Variants in REV3L observed in about 807,000 individuals in gnomAD.
REV3L encodes REV3 like, DNA directed polymerase zeta catalytic subunit.
REV3L carries 69 observed loss-of-function variants against 299.4 expected under a neutral mutation model. The observed-to-expected ratio is 0.23, with a 90% CI of 0.19 to 0.28. The LOEUF is 0.28. REV3L is among the 10% of genes least tolerant of loss of function. The pLI is 1.00. For missense variants in REV3L, 3,128 were observed against 3,693.8 expected, an observed-to-expected ratio of 0.85 and a Z score of 3.97; for synonymous variants, 1,238 against 1,271.4, an observed-to-expected ratio of 0.97 and a Z score of 0.56.
chr6:111,368,834 A>T (rs894340439), intron 13 of REV3L, among the ~76,000 whole-genome samples: 9 of 152,164 alleles, frequency 5.9e-5, no homozygotes, highest in African/African-American at 2.2e-4. Flanking sequence ...GTTAATTCAT[A>T]GTTTTTTCAA....
At position 111,371,728 on chromosome 6, in the gene REV3L, T is replaced by C. The variant is rs558754346; in HGVS notation, c.5759+868A>G. ...ACAGGCACCTGCCACCATGTCCAGC[T>C]AATTTTTGTATTTTTAGTAGAGACA... On this transcript the variant is annotated intron_variant, in intron 13 of 31. Coordinates refer to ENST00000368802, the MANE Select transcript of REV3L (RefSeq NM_001372078.1). Among the ~76,000 whole-genome samples, 7 of 152,220 alleles carry C rather than the reference T, an allele frequency of 4.6e-5. No homozygotes were observed. In the East Asian group the frequency reaches 1.4e-3, roughly 29 times the overall value.
At chr6:111,447,284 C>T (rs1048953025) in intron 1 of REV3L, among the ~76,000 whole-genome samples, 4 of 152,158 alleles carry the variant, frequency 2.6e-5, no homozygotes, top group Non-Finnish European at 4.4e-5. Context: ...GGGATGCCCT[C>T]GTGTGAGATT....
rs55717383 is a variant in REV3L, at chr6:111,374,376, T to A, written c.3979A>T (p.Ile1327Leu). 1 of 1,614,018 alleles carries A rather than the reference T, an allele frequency of 6.2e-7. No individual in the cohort carries two copies. Among genetic ancestry groups the A allele is most frequent in the Non-Finnish European group, 8.5e-7 (1 of 1,179,898 alleles). Reference protein sequence around the residue: ...DLHPSVVCNSIGPGVSKINVQ... With the variant: ...DLHPSVVCNSLGPGVSKINVQ... ...TTAATTTTTGAGACTCCAGGTCCTATAGAATTACAAACAACTGATGGATGC... is the reference window on the plus strand; with the variant it reads ...TTAATTTTTGAGACTCCAGGTCCTAAAGAATTACAAACAACTGATGGATGC... The change falls in exon 13 of 32, where the codon ATA becomes TTA. Residue 1327 changes from isoleucine to leucine, a missense_variant. Ile to Leu is a conservative substitution (Grantham distance 5, BLOSUM62 2). Coordinates refer to ENST00000368802, the MANE Select transcript of REV3L (RefSeq NM_001372078.1).
chr6:111,448,614 T>C (rs1013342203), intron 1 of REV3L, among the ~76,000 whole-genome samples: 4 of 146,768 alleles, frequency 2.7e-5, no homozygotes, highest in Admixed American at 6.8e-5. Flanking sequence ...CGTGAGCCAC[T>C]GTGCCTGGCC....
At chr6:111,406,104 G>A (rs575892910) in intron 3 of REV3L, among the ~76,000 whole-genome samples, 1 of 152,204 alleles carries the variant, frequency 6.6e-6, no homozygotes, top group East Asian at 1.9e-4. Flanking sequence ...TAAGTACTAT[G>A]TGGGGAAATA....
rs896364027 is a variant in REV3L, at chr6:111,349,286, A to C, written c.7351T>G (p.Tyr2451Asp). 6.2e-7 allele frequency: 1 copy of C among 1,608,794 alleles called. No individual in the cohort carries two copies. The change falls in exon 20 of 32, where the codon TAT becomes GAT. Residue 2451 changes from tyrosine (Y) to aspartate (D), a missense_variant. By Grantham distance (160) the Tyr-to-Asp change is radical. Around this residue, in one of 9 missense-constraint regions of REV3L, gnomAD observed 50 missense variants for 48.2 expected, o/e 1.04. Coordinates refer to ENST00000368802, the MANE Select transcript of REV3L (RefSeq NM_001372078.1). Reference protein sequence around the residue: ...FAAERDEYGSYTMSEINIVGR... With the variant: ...FAAERDEYGSDTMSEINIVGR... ...ACAATATTTATCTCACTCATTGTAT[A>C]TGATCCATACTCATCTCTTTCAGCT...
At chr6:111,466,422 T>C (rs926032949) in intron 1 of REV3L, among the ~76,000 whole-genome samples, 12 of 152,306 alleles carry the variant, frequency 7.9e-5, no homozygotes, top group Middle Eastern at 3.4e-3. Flanking sequence ...AATTTTAAAA[T>C]GTCACGTTTT....
At chr6:111,474,782 T>C (rs1394922887) in intron 1 of REV3L, among the ~76,000 whole-genome samples, 1 of 152,218 alleles carries the variant, frequency 6.6e-6, no homozygotes, top group Non-Finnish European at 1.5e-5. Flanking sequence ...CCAATTCCTG[T>C]AAGCAAAACA....
rs932263683 is a variant in REV3L at position 111,299,923 on chromosome 6, C to T, written c.*93G>A. The T allele has an allele frequency of 4.0e-6, 5 of 1,259,744 alleles. No individual in the cohort carries two copies. Among genetic ancestry groups the T allele is most frequent in the Admixed American group, 2.4e-5 (1 of 42,222 alleles). The allele number at this position is 1,259,744 out of a possible 1,614,324, so 78.0% of individuals were successfully genotyped here. A position where few individuals can be genotyped will look rare whatever the true frequency, so the allele number is the denominator to read the frequency against. On this transcript the variant is annotated 3_prime_UTR_variant, in exon 32 of 32. Coordinates refer to ENST00000368802, the MANE Select transcript of REV3L (RefSeq NM_001372078.1). Reference sequence around the variant, plus strand: ...CTTCAGATAACAGACAGTGAACATCCTTGACTCGATGAAAGTTAAAAAGCA... The same window carrying T: ...CTTCAGATAACAGACAGTGAACATCTTTGACTCGATGAAAGTTAAAAAGCA...
chr6:111,477,778 A>G (rs1242528009), intron 1 of REV3L, among the ~76,000 whole-genome samples: 2 of 152,254 alleles, frequency 1.3e-5, no homozygotes, highest in East Asian at 1.9e-4. Flanking sequence ...TGATGTAATC[A>G]GGTTTGCATT....
intron 1 of REV3L, among the ~76,000 whole-genome samples, chr6:111,437,860 A>G (rs1787765976): frequency 6.6e-6 from 1 of 151,874 alleles, no homozygotes; most frequent in African/African-American, 2.4e-5. Context: ...AAACTTACAT[A>G]ATTTTTTTTT....
chr6:111,405,755 C>A (rs1405919972), intron 3 of REV3L, 125 bp from the exon 4 acceptor site: 1 of 590,836 alleles, frequency 1.7e-6, no homozygotes, highest in Non-Finnish European at 2.8e-6. Context: ...CTCAATTTTA[C>A]CGGAAATTTG....
intron 1 of REV3L, among the ~76,000 whole-genome samples, chr6:111,436,657 T>C (rs1787591173): frequency 6.6e-6 from 1 of 151,896 alleles, no homozygotes; most frequent in Admixed American, 6.6e-5. Flanking sequence ...TGAAGAGAGG[T>C]TGATTAAGGG....
At chr6:111,366,249 A>G (rs570590824) in intron 14 of REV3L, among the ~76,000 whole-genome samples, 3 of 152,254 alleles carry the variant, frequency 2.0e-5, no homozygotes, top group South Asian at 4.1e-4. Flanking sequence ...TTTTTAAAAT[A>G]CTAATCTTGA....
At position 111,333,170 on chromosome 6, in the gene REV3L, A is replaced by G. The variant is rs751487976; in HGVS notation, c.7878T>C (p.Tyr2626=). 2.5e-6 allele frequency: 4 copies of G among 1,614,166 alleles called. No individual in the cohort carries two copies. The highest frequency in any genetic ancestry group is 1.7e-6 in the Non-Finnish European group (2 of 1,180,016). ...CAAGGCAGGTGGAAAAGCAGTAGTT[A>G]TATGCAATCACAATAGAAGGATAAA... is the stretch of plus-strand genomic sequence containing the variant. ...QSLYPSIVIA[Y]NYCFSTCLGH... is the part of the protein sequence containing the mutation. Residue 2626 remains tyrosine (Y), a synonymous_variant, in exon 23 of 32, where the codon TAT becomes TAC. Coordinates refer to ENST00000368802, the MANE Select transcript of REV3L (RefSeq NM_001372078.1).
At chr6:111,368,080 A>AAAT in intron 13 of REV3L, 52 bp from the exon 14 acceptor site, 6 of 1,453,310 alleles carry the variant, frequency 4.1e-6, no homozygotes, top group Non-Finnish European at 4.6e-6. Flanking sequence ...GCAATTACCA[A>AAAT]AATATTTAAC....
intron 1 of REV3L, among the ~76,000 whole-genome samples, chr6:111,481,355 C>T (rs1156658571): frequency 1.3e-5 from 2 of 152,194 alleles, no homozygotes; most frequent in Non-Finnish European, 2.9e-5. Context: ...AACACTTCAT[C>T]GCCTCGATTT....
intron 1 of REV3L, among the ~76,000 whole-genome samples, chr6:111,454,045 T>C (rs1399049493): frequency 1.3e-5 from 2 of 152,022 alleles, no homozygotes; most frequent in East Asian, 3.9e-4. Flanking sequence ...CCTTACTTTA[T>C]AGATTCAGTT....
Position 111,429,743 on chromosome 6 carries a change from G to A in REV3L, c.140-13271C>T, listed in dbSNP as rs372070805. ...CGGGCCCCGCTCCCGCCCTCGGCTCGCCTGGCCCAGACCGGAAGCAGCGCC... is the reference window on the plus strand; with the variant it reads ...CGGGCCCCGCTCCCGCCCTCGGCTCACCTGGCCCAGACCGGAAGCAGCGCC... On this transcript the variant is annotated intron_variant, in intron 1 of 31. Coordinates refer to ENST00000368802, the MANE Select transcript of REV3L (RefSeq NM_001372078.1). Among the ~76,000 whole-genome samples, 6 of 152,174 alleles carry A rather than the reference G, an allele frequency of 3.9e-5. 1 individual carries two copies. The highest frequency in any genetic ancestry group is 1.2e-4 in the African/African-American group (5 of 41,540).
Sources: gnomAD v4.1 joint callset for allele counts (sites outside exome capture counted in the v4.1 genomes callset) on GRCh38, gnomAD v4.1.1 for gene constraint, gnomAD v4.1.1 regional missense constraint, MANE v1.5 for transcripts, NCBI Gene and HGNC (gene_info 2026-07-23, HGNC 2026-07-21) for gene names.